Variants in CLUL1 observed in about 807,000 individuals in gnomAD.
CLUL1 encodes the protein clusterin-like protein 1.
In CLUL1, 43 loss-of-function variants were observed where a neutral mutation model predicts 49.4. The observed-to-expected ratio is 0.87, with a 90% CI of 0.68 to 1.12. The LOEUF (loss-of-function observed/expected upper bound fraction) is 1.12. CLUL1 is among the 50% of genes most tolerant of loss of function. The pLI, the probability that CLUL1 is intolerant of heterozygous loss-of-function variation, is 0.00. For missense variants in CLUL1, 486 were observed against 544.4 expected (o/e 0.89, Z 1.07); for synonymous variants, 192 against 184.9 (o/e 1.04, Z -0.31).
intron 5 of CLUL1, among the ~76,000 whole-genome samples, chr18:625,945 G>A (rs2073676233): frequency 6.6e-6 from 1 of 152,190 alleles, no homozygotes; most frequent in African/African-American, 2.4e-5. Context: ...AGAATATGGT[G>A]TAATCAGCAC....
At chr18:598,522 T>G (rs2072724394) in intron 1 of CLUL1, 1 of 398,472 alleles carries the variant, frequency 2.5e-6, no homozygotes, top group Non-Finnish European at 4.4e-6. Context: ...AATGAGACAA[T>G]GAATTCCATG....
chr18:599,786 G>A (rs966926261), intron 1 of CLUL1, among the ~76,000 whole-genome samples: 7 of 151,942 alleles, frequency 4.6e-5, no homozygotes, highest in African/African-American at 1.7e-4. Context: ...CAAAAAATTA[G>A]CTGGGTGTGT....
intron 1 of CLUL1, among the ~76,000 whole-genome samples, chr18:597,365 C>T (rs536288394): frequency 5.9e-5 from 9 of 152,342 alleles, no homozygotes. Flanking sequence ...TACGTTTATT[C>T]TCTTTTTCAA....
At position 627,679 on chromosome 18, in the gene CLUL1, A is replaced by C. The variant is rs1022476587; in HGVS notation, c.856+150A>C. ...AAATGTTTCAGAGCCTCTTAAAAGA[A>C]GCTTTGAAGTCTGCTAAACACCATC... On this transcript the variant is annotated intron_variant, in intron 6 of 9. Coordinates refer to ENST00000692774, the MANE Select transcript of CLUL1 (RefSeq NM_001393344.1). 2.1e-5 allele frequency: 13 copies of C among 609,888 alleles called. No homozygotes were observed. The African/African-American group carries it at 2.2e-4, about 10-fold the overall frequency. 37.8% of individuals were successfully genotyped at this position (609,888 alleles called of 1,614,324 possible).
rs1276558584 is a variant in CLUL1 at position 606,499 on chromosome 18, C to A, written c.-135-479C>A. ...GACATTTCTTTGCAAAGTCCCGGAA[C>A]CCACAGCTCTGAGACTCTGGCTGTC... is the stretch of plus-strand genomic sequence containing the variant. On this transcript the variant is annotated intron_variant, in intron 1 of 9. Transcript: ENST00000692774. The surrounding 1 kb of genome is among the most constrained non-coding windows in gnomAD (Gnocchi z 4.1). Among the ~76,000 whole-genome samples the A allele has an allele frequency of 1.3e-5, 2 of 152,190 alleles. No individual in the cohort carries two copies. Among genetic ancestry groups the A allele is most frequent in the African/African-American group, 4.8e-5 (2 of 41,442 alleles).
intron 9 of CLUL1, among the ~76,000 whole-genome samples, chr18:649,400 A>G (rs2074610555): frequency 6.6e-6 from 1 of 152,100 alleles, no homozygotes; most frequent in East Asian, 1.9e-4. Flanking sequence ...TTGGTTTGCA[A>G]TGTGTTTTAT....
intron 7 of CLUL1, among the ~76,000 whole-genome samples, chr18:640,396 C>T (rs570624096): frequency 1.9e-4 from 28 of 150,368 alleles, no homozygotes; most frequent in African/African-American, 6.4e-4. Flanking sequence ...GGTAACAGAG[C>T]GAGAACCTGT....
At chr18:612,074 G>A (rs1168337734) in intron 2 of CLUL1, among the ~76,000 whole-genome samples, 1 of 152,156 alleles carries the variant, frequency 6.6e-6, no homozygotes, top group Admixed American at 6.5e-5. Context: ...ATTCTCCAAA[G>A]AGGCACCATT....
Position 648,412 on chromosome 18 carries a change from C to T in CLUL1, c.1398-1486C>T, listed in dbSNP as rs191233882. On this transcript the variant is annotated intron_variant, in intron 9 of 9. Coordinates refer to ENST00000692774, the MANE Select transcript of CLUL1 (RefSeq NM_001393344.1). Reference sequence around the variant, plus strand: ...TGTAGTTTTAAAATTCTAAAAGTAACAAAATCACAACTACCAAACATTTAG... The same window carrying T: ...TGTAGTTTTAAAATTCTAAAAGTAATAAAATCACAACTACCAAACATTTAG... Among the ~76,000 whole-genome samples the T allele has an allele frequency of 4.4e-3, 674 of 152,238 alleles. 1 individual carries two copies. Among genetic ancestry groups the T allele is most frequent in the Non-Finnish European group, 6.3e-3 (428 of 68,016 alleles).
intron 8 of CLUL1, 27 bp from the exon 9 acceptor site, chr18:644,883 T>C (rs201335885): frequency 6.4e-7 from 1 of 1,552,356 alleles, no homozygotes; most frequent in Admixed American, 1.8e-5. Flanking sequence ...TTTAGTAAAC[T>C]TCTACTGTAT....
intron 1 of CLUL1, among the ~76,000 whole-genome samples, chr18:604,526 T>C (rs1271884320): frequency 6.6e-6 from 1 of 152,228 alleles, no homozygotes; most frequent in Admixed American, 6.5e-5. Context: ...AGAGTTTATT[T>C]TGTTTCATAC....
intron 6 of CLUL1, among the ~76,000 whole-genome samples, chr18:630,255 C>T (rs1405353863): frequency 6.6e-6 from 1 of 152,026 alleles, no homozygotes; most frequent in East Asian, 1.9e-4. Flanking sequence ...ATTACAGGCA[C>T]TCACCACCAT....
intron 2 of CLUL1, among the ~76,000 whole-genome samples, chr18:611,118 C>T (rs1449944586): frequency 6.6e-6 from 1 of 152,090 alleles, no homozygotes; most frequent in Non-Finnish European, 1.5e-5. Flanking sequence ...TACTCCCCTT[C>T]CCTCTGTGGC....
chr18:604,137 T>C (rs936437150), intron 1 of CLUL1, among the ~76,000 whole-genome samples: 2 of 152,368 alleles, frequency 1.3e-5, no homozygotes, highest in Non-Finnish European at 2.9e-5. Flanking sequence ...CGCCTTGGCC[T>C]CCCAAAATGC....
intron 5 of CLUL1, among the ~76,000 whole-genome samples, 162 bp from the exon 6 acceptor site, chr18:626,935 G>GT (rs2073779234): frequency 4.1e-4 from 1 of 2,442 alleles, no homozygotes; most frequent in Non-Finnish European, 3.8e-3. Context: ...AAGAAGGAAA[G>GT]AAGGAAAGAA....
At position 618,883 on chromosome 18, in the gene CLUL1, A is replaced by G. The variant is rs999299074; in HGVS notation, c.107-330A>G. On this transcript the variant is annotated intron_variant, in intron 3 of 9. Transcript: ENST00000692774. The surrounding 1 kb of genome is among the most constrained non-coding windows in gnomAD (Gnocchi z 4.2). ...GCACTTAATATAAATTATGAAGAAAATGCAAAATTTTCTCTAATATAAACA... is the reference window on the plus strand; with the variant it reads ...GCACTTAATATAAATTATGAAGAAAGTGCAAAATTTTCTCTAATATAAACA... 2.6e-5 allele frequency among the ~76,000 whole-genome samples: 4 copies of G among 152,126 alleles called. No individual in the cohort carries two copies. Among genetic ancestry groups the G allele is most frequent in the Non-Finnish European group, 4.4e-5 (3 of 68,028 alleles).
chr18:605,140 A>G (rs1440127742), intron 1 of CLUL1, among the ~76,000 whole-genome samples: 2 of 152,226 alleles, frequency 1.3e-5, no homozygotes, highest in Admixed American at 1.3e-4. Flanking sequence ...TAAACTTAAA[A>G]TGGTGTTTGT....
chr18:614,300 A>T (rs953817049), intron 2 of CLUL1, among the ~76,000 whole-genome samples: 6 of 140,654 alleles, frequency 4.3e-5, no homozygotes, highest in African/African-American at 1.6e-4. Context: ...GAAAGAAGGA[A>T]GGGAGGAAGG....
At chr18:640,549 T>G (rs1017937480) in intron 7 of CLUL1, among the ~76,000 whole-genome samples, 2 of 152,146 alleles carry the variant, frequency 1.3e-5, no homozygotes, top group African/African-American at 4.8e-5. Context: ...GCAATATGGC[T>G]TTTCACTCAG....
Sources: gnomAD v4.1 joint callset for allele counts (sites outside exome capture counted in the v4.1 genomes callset) on GRCh38, gnomAD v4.1.1 for gene constraint, Gnocchi (gnomAD v3.1) non-coding constraint, MANE v1.5 for transcripts, NCBI Gene and HGNC (gene_info 2026-07-23, HGNC 2026-07-21) for gene names.